The following ABTB2 variants were observed in gnomAD, a reference collection of about 807,000 sequenced individuals.
The protein encoded by ABTB2 is ankyrin repeat and BTB domain containing 2, also known as ankyrin repeat and BTB/POZ domain-containing protein 2.
Under a neutral mutation model 104.1 loss-of-function variants are expected in ABTB2, and 56 were observed. The observed-to-expected ratio is 0.54, with a 90% CI of 0.43 to 0.67. The LOEUF is 0.67. Ranked by LOEUF, ABTB2 falls within the 30% of genes least tolerant of loss-of-function variation. The probability of loss-of-function intolerance (pLI) is 0.00; values close to 1 mark genes in which losing one functional copy is unlikely to be tolerated. For synonymous variants in ABTB2, 606 were observed against 608.2 expected (o/e 1.00, Z 0.05); for missense variants, 1,279 against 1,407.7 (o/e 0.91, Z 1.46).
intron 1 of ABTB2, among the ~76,000 whole-genome samples, chr11:34,260,218 C>T (rs1854172212): frequency 6.6e-6 from 1 of 152,210 alleles, no homozygotes; most frequent in Admixed American, 6.5e-5. Flanking sequence ...CACCGTTCAG[C>T]GCTTGGAGGC....
chr11:34,237,045 G>A (rs1363452730), intron 1 of ABTB2, among the ~76,000 whole-genome samples: 1 of 152,100 alleles, frequency 6.6e-6, no homozygotes, highest in Non-Finnish European at 1.5e-5. Context: ...CCAAGAGTAG[G>A]GGCTTTGGGG....
At chr11:34,234,850 TTTTATTTA>T in intron 1 of ABTB2, among the ~76,000 whole-genome samples, 1 of 152,220 alleles carries the variant, frequency 6.6e-6, no homozygotes, top group South Asian at 2.1e-4. Context: ...ATTGTGTTTA[TTTTATTTA>T]TTTATTTATT....
chr11:34,340,470 T>C (rs1321858844), intron 1 of ABTB2, among the ~76,000 whole-genome samples: 3 of 152,202 alleles, frequency 2.0e-5, no homozygotes, highest in African/African-American at 7.2e-5. Context: ...TAATTAGCTA[T>C]ATGATCTAGC....
chr11:34,162,933 G>T, intron 9 of ABTB2, 128 bp from the exon 10 acceptor site: 1 of 872,308 alleles, frequency 1.1e-6, no homozygotes. Context: ...GAGTTTCATG[G>T]TCTTCCTCCT....
At chr11:34,253,979 C>T (rs562092112) in intron 1 of ABTB2, among the ~76,000 whole-genome samples, 29 of 152,252 alleles carry the variant, frequency 1.9e-4, no homozygotes, top group African/African-American at 6.7e-4. Flanking sequence ...AGAGCACTGG[C>T]CATGTAGATT....
intron 3 of ABTB2, among the ~76,000 whole-genome samples, chr11:34,184,473 C>T (rs1374600556): frequency 6.6e-6 from 1 of 152,140 alleles, no homozygotes; most frequent in Non-Finnish European, 1.5e-5. Flanking sequence ...GGTACACAGC[C>T]ATCTGTCCTT....
At chr11:34,207,173 G>A (rs1011472867) in intron 1 of ABTB2, among the ~76,000 whole-genome samples, 10 of 152,240 alleles carry the variant, frequency 6.6e-5, no homozygotes, top group Admixed American at 6.5e-5. Flanking sequence ...ACAGCTGGGA[G>A]AGCCCAGTGC....
intron 1 of ABTB2, among the ~76,000 whole-genome samples, chr11:34,329,479 C>T (rs1855105470): frequency 6.6e-6 from 1 of 152,212 alleles, no homozygotes; most frequent in Non-Finnish European, 1.5e-5. Context: ...GGCTCCCAAC[C>T]TTCCCTCTCA....
intron 1 of ABTB2, among the ~76,000 whole-genome samples, chr11:34,246,368 G>A (rs182017881): frequency 1.0e-3 from 159 of 152,110 alleles, no homozygotes; most frequent in African/African-American, 3.6e-3. Flanking sequence ...TTGGGAGGCC[G>A]AGGCAGGTGG....
intron 3 of ABTB2, among the ~76,000 whole-genome samples, chr11:34,193,210 C>T (rs568356953): frequency 6.6e-5 from 10 of 152,326 alleles, no homozygotes; most frequent in East Asian, 5.8e-4. Context: ...AGCTTGATCT[C>T]CGGTGATGAC....
At chr11:34,337,369 A>G (rs1855204159) in intron 1 of ABTB2, among the ~76,000 whole-genome samples, 1 of 152,246 alleles carries the variant, frequency 6.6e-6, no homozygotes, top group South Asian at 2.1e-4. Context: ...GCCTAGGGAA[A>G]TAACAAGGTT....
rs903641747 is a variant in ABTB2 at position 34,204,622 on chromosome 11, C to G, written c.952G>C (p.Asp318His). 2.5e-6 allele frequency: 4 copies of G among 1,612,288 alleles called. No individual in the cohort carries two copies. The Admixed American group carries it at 6.7e-5, about 27-fold the overall frequency. ...CGGAGCTCCAGCTGGGCATAGGCAT[C>G]GGCTCGCTCGTCATGGCCCAGGGAC... ...GGSLGHDERA[D>H]AYAQLELRTL... The change falls in exon 2 of 17, where the codon GAT becomes CAT. Residue 318 changes from aspartate to histidine, a missense_variant. Asp to His is a moderately conservative substitution (Grantham distance 81, BLOSUM62 -1). Coordinates refer to ENST00000435224, the MANE Select transcript of ABTB2 (RefSeq NM_145804.3).
At position 34,177,516 on chromosome 11, in the gene ABTB2, TTGTC is replaced by T. The variant is rs1306649103; in HGVS notation, c.1245-4213_1245-4210del. Reference sequence around the variant, plus strand: ...GGCAGAGGCCACCTTTGTGTTCCCTTTGTCTGTTTTTGCTAGCAAACCAGGTCAT... The same window carrying T: ...GGCAGAGGCCACCTTTGTGTTCCCTTTGTTTTTGCTAGCAAACCAGGTCAT... On this transcript the variant is annotated intron_variant, in intron 3 of 16. Transcript: ENST00000435224. Among the ~76,000 whole-genome samples, 6 of 152,228 alleles carry T rather than the reference TTGTC, an allele frequency of 3.9e-5. No individual in the cohort carries two copies. In the East Asian group the frequency reaches 5.8e-4, roughly 15 times the overall value.
intron 1 of ABTB2, among the ~76,000 whole-genome samples, chr11:34,285,278 G>A (rs942306457): frequency 6.6e-6 from 1 of 152,160 alleles, no homozygotes; most frequent in Non-Finnish European, 1.5e-5. Context: ...GCAGGGCTAC[G>A]CAGCTCATTA....
chr11:34,159,093 T>C (rs1852671493), intron 14 of ABTB2, among the ~76,000 whole-genome samples: 2 of 152,230 alleles, frequency 1.3e-5, no homozygotes, highest in Admixed American at 1.3e-4. Flanking sequence ...TCAGGACCCA[T>C]GTGACAGGCT....
At chr11:34,201,107 A>G (rs1242286705) in intron 2 of ABTB2, among the ~76,000 whole-genome samples, 1 of 152,192 alleles carries the variant, frequency 6.6e-6, no homozygotes. Flanking sequence ...GACCTTCACC[A>G]TGGATAGTTT....
chr11:34,156,433 T>G (rs1852627711), intron 14 of ABTB2, among the ~76,000 whole-genome samples: 1 of 152,068 alleles, frequency 6.6e-6, no homozygotes, highest in African/African-American at 2.4e-5. Flanking sequence ...AGGGTTTCCT[T>G]CTGTCCTGAG....
chr11:34,205,908 C>A (rs1039276489), intron 1 of ABTB2, among the ~76,000 whole-genome samples: 6 of 152,174 alleles, frequency 3.9e-5, no homozygotes, highest in Non-Finnish European at 8.8e-5. Flanking sequence ...GAGTACCTAG[C>A]TCACAGGGCT....
At chr11:34,155,556 C>T (rs893957392) in intron 14 of ABTB2, among the ~76,000 whole-genome samples, 3 of 152,226 alleles carry the variant, frequency 2.0e-5, no homozygotes, top group Non-Finnish European at 2.9e-5. Context: ...ACGGCTCCAG[C>T]AAGGAGCTGG....
Sources: gnomAD v4.1 joint callset for allele counts (sites outside exome capture counted in the v4.1 genomes callset) on GRCh38, gnomAD v4.1.1 for gene constraint, MANE v1.5 for transcripts, NCBI Gene and HGNC (gene_info 2026-07-23, HGNC 2026-07-21) for gene names.